The following RBFOX1 variants were observed in gnomAD, a reference collection of about 807,000 sequenced individuals.
RBFOX1 encodes the protein RNA binding fox-1 homolog 1, also known as RNA binding protein fox-1 homolog 1.
A neutral mutation model predicts 57.7 loss-of-function variants in RBFOX1; 8 were observed. The observed-to-expected ratio is 0.14, with a 90% CI of 0.08 to 0.25. The LOEUF (loss-of-function observed/expected upper bound fraction) is 0.25. Ranked by LOEUF, RBFOX1 falls within the 10% of genes least tolerant of loss-of-function variation. RBFOX1 has a pLI of 1.00. For synonymous variants in RBFOX1, 326 were observed against 222.4 expected (o/e 1.47, Z -4.15); for missense variants, 611 against 548.5 (o/e 1.11, Z -1.14).
intron 3 of RBFOX1, among the ~76,000 whole-genome samples, chr16:6,725,137 G>C (rs981617149): frequency 5.6e-5 from 8 of 142,492 alleles, no homozygotes; most frequent in African/African-American, 2.1e-4. Flanking sequence ...TGCAAGCTCT[G>C]CGTCCCGGGT....
At chr16:7,508,933 C>A (rs1056046171) in intron 4 of RBFOX1, among the ~76,000 whole-genome samples, 6 of 152,200 alleles carry the variant, frequency 3.9e-5, no homozygotes, top group African/African-American at 1.4e-4. Flanking sequence ...ACTCTCAAAA[C>A]CTCTCCCTTG....
intron 4 of RBFOX1, among the ~76,000 whole-genome samples, chr16:7,243,906 C>G (rs536624237): frequency 3.9e-5 from 6 of 152,190 alleles, no homozygotes; most frequent in South Asian, 2.1e-4. Context: ...ATAATCAAAA[C>G]TCTTAATTTC....
chr16:7,073,551 A>T (rs552343389), intron 4 of RBFOX1, among the ~76,000 whole-genome samples: 1 of 152,300 alleles, frequency 6.6e-6, no homozygotes, highest in South Asian at 2.1e-4. Context: ...TCCAGTAATG[A>T]TAAATACCAT....
chr16:6,834,551 A>T lies in RBFOX1; in HGVS notation c.-16+179901A>T, dbSNP rs550606678. On this transcript the variant is annotated intron_variant, in intron 3 of 15. Coordinates refer to ENST00000550418, the MANE Select transcript of RBFOX1 (RefSeq NM_018723.4). ...GAATCAGTTAATTAATTAACAGGAG[A>T]TATCAGTAAGTGATTTGTTCTTAAA... is the stretch of plus-strand genomic sequence containing the variant. Among the ~76,000 whole-genome samples the T allele has an allele frequency of 6.6e-5, 10 of 152,254 alleles. No individual in the cohort carries two copies. The East Asian group carries it at 1.9e-3, about 29-fold the overall frequency.
intron 3 of RBFOX1, among the ~76,000 whole-genome samples, chr16:5,700,996 G>A (rs546230623): frequency 6.6e-6 from 1 of 152,294 alleles, no homozygotes; most frequent in African/African-American, 2.4e-5. Flanking sequence ...ATGACACTGG[G>A]TAGGCAAAAA....
chr16:6,360,518 C>G (rs1193496143), intron 2 of RBFOX1, among the ~76,000 whole-genome samples: 2 of 152,294 alleles, frequency 1.3e-5, no homozygotes, highest in East Asian at 1.9e-4. Flanking sequence ...GACATTTACA[C>G]AGTCTTGAAA....
rs544960881 is a variant in RBFOX1, at chr16:5,873,292, A to T, written c.351+5957A>T. Among the ~76,000 whole-genome samples, 98 of 152,318 alleles carry T rather than the reference A, an allele frequency of 6.4e-4. 1 individual carries two copies. Among genetic ancestry groups the T allele is most frequent in the Middle Eastern group, 6.8e-3 (2 of 294 alleles). The stretch of plus-strand genomic sequence containing the variant: ...TGGCTGTATCCTGCCCTAACCAGAC[A>T]GAAGTTCACTCCTATGACTTAATTC... On this transcript the variant is annotated intron_variant, in intron 4 of 19. Coordinates refer to the RBFOX1 transcript ENST00000641259.
chr16:5,599,455 C>G (rs773348629), exon 3 of RBFOX1: 3 of 538,754 alleles, frequency 5.6e-6, no homozygotes, highest in Non-Finnish European at 9.8e-6. Flanking sequence ...CCGTGTATCC[C>G]TCATCTGTCA....
chr16:6,967,436 A>G (rs988678656), intron 3 of RBFOX1, among the ~76,000 whole-genome samples: 3 of 152,178 alleles, frequency 2.0e-5, no homozygotes, highest in African/African-American at 7.2e-5. Flanking sequence ...AAAAGTAATG[A>G]CATTTGGAGC....
chr16:6,005,533 A>G (rs1031889095), intron 4 of RBFOX1, among the ~76,000 whole-genome samples: 6 of 152,218 alleles, frequency 3.9e-5, no homozygotes, highest in Non-Finnish European at 8.8e-5. Flanking sequence ...CAACTTTGGC[A>G]GTGTTGACGT....
Position 7,158,233 on chromosome 16 carries a change from C to G in RBFOX1, c.27+106135C>G, listed in dbSNP as rs541274419. Among the ~76,000 whole-genome samples, 187 of 152,064 alleles carry G rather than the reference C, an allele frequency of 1.2e-3. 1 individual carries two copies. Among genetic ancestry groups the G allele is most frequent in the African/African-American group, 4.3e-3 (178 of 41,464 alleles). ...TGCCGGTGGGCTCCTGTAATCCCAG[C>G]TACTTAGGAGGCTGAGGCAGGAGAA... is the stretch of plus-strand genomic sequence containing the variant. On this transcript the variant is annotated intron_variant, in intron 4 of 15. Coordinates refer to ENST00000550418, the MANE Select transcript of RBFOX1 (RefSeq NM_018723.4).
intron 4 of RBFOX1, among the ~76,000 whole-genome samples, chr16:7,376,659 G>T (rs934715386): frequency 6.6e-6 from 1 of 152,076 alleles, no homozygotes; most frequent in African/African-American, 2.4e-5. Context: ...GAAGATCATC[G>T]GTGCTTTTTG....
At chr16:6,527,294 G>C (rs968104054) in intron 2 of RBFOX1, among the ~76,000 whole-genome samples, 1 of 152,016 alleles carries the variant, frequency 6.6e-6, no homozygotes, top group Non-Finnish European at 1.5e-5. Flanking sequence ...TTTCAGAAAT[G>C]TGATATCTTA....
At chr16:7,677,132 T>TACACATACACACACACACACACACACAC (rs71394335) in intron 14 of RBFOX1, among the ~76,000 whole-genome samples, 26 of 137,858 alleles carry the variant, frequency 1.9e-4, no homozygotes, top group Non-Finnish European at 3.0e-4. Context: ...CACATACACA[T>TACACATACACACACACACACACACACAC]ACACACACAC....
intron 2 of RBFOX1, among the ~76,000 whole-genome samples, chr16:5,514,136 T>C (rs920975785): frequency 6.6e-6 from 1 of 152,176 alleles, no homozygotes; most frequent in Non-Finnish European, 1.5e-5. Flanking sequence ...ACTTTATGGT[T>C]CCAAGCAGCA....
At chr16:6,060,223 C>T (rs986239227) in intron 1 of RBFOX1, among the ~76,000 whole-genome samples, 2 of 142,206 alleles carry the variant, frequency 1.4e-5, no homozygotes, top group Admixed American at 7.4e-5. Flanking sequence ...GTTGCTACAA[C>T]GTACTGAGTT....
intron 4 of RBFOX1, among the ~76,000 whole-genome samples, chr16:7,266,552 C>T (rs1424460971): frequency 6.6e-6 from 1 of 152,168 alleles, no homozygotes; most frequent in African/African-American, 2.4e-5. Flanking sequence ...CTCATGCCCT[C>T]ATCTAAATCT....
intron 2 of RBFOX1, among the ~76,000 whole-genome samples, chr16:6,344,398 C>CTTTTTT (rs1176288797): frequency 1.8e-4 from 13 of 71,972 alleles, no homozygotes; most frequent in African/African-American, 1.4e-3. Flanking sequence ...CTTCTTTTTT[C>CTTTTTT]TTTTTTTTCT....
chr16:7,164,087 C>G (rs1003547562), intron 4 of RBFOX1, among the ~76,000 whole-genome samples: 1 of 152,052 alleles, frequency 6.6e-6, no homozygotes, highest in Non-Finnish European at 1.5e-5. Context: ...TACACTGTAC[C>G]CAGTGTGTAG....
Sources: gnomAD v4.1 joint callset for allele counts (sites outside exome capture counted in the v4.1 genomes callset) on GRCh38, gnomAD v4.1.1 for gene constraint, MANE v1.5 for transcripts, NCBI Gene and HGNC (gene_info 2026-07-23, HGNC 2026-07-21) for gene names.